The following HEXD variants were observed in gnomAD, a reference collection of about 807,000 sequenced individuals.
HEXD encodes the protein N-acetyl-beta-galactosaminidase.
Under a neutral mutation model 54.2 loss-of-function variants are expected in HEXD, and 47 were observed. The ratio of observed to expected loss-of-function variants is 0.87; its 90% confidence interval spans 0.69 to 1.11. The LOEUF is 1.11. HEXD is among the 50% of genes least tolerant of loss of function. The pLI, the probability that HEXD is intolerant of heterozygous loss-of-function variation, is 0.00. For synonymous variants in HEXD, 293 were observed against 287.6 expected (o/e 1.02, Z -0.19); for missense variants, 576 against 649.2 (o/e 0.89, Z 1.23).
chr17:82,429,110 A>G (rs1210707013), intron 4 of HEXD, among the ~76,000 whole-genome samples: 1 of 151,884 alleles, frequency 6.6e-6, no homozygotes, highest in Non-Finnish European at 1.5e-5. Context: ...AAATACAAAA[A>G]TTAGCCAGGC....
At chr17:82,438,046 G>A (rs972865355) in intron 8 of HEXD, among the ~76,000 whole-genome samples, 4 of 152,076 alleles carry the variant, frequency 2.6e-5, no homozygotes, top group African/African-American at 7.2e-5. Flanking sequence ...TGACCAGCCT[G>A]GCCAACGTGG....
chr17:82,440,024 C>A, intron 9 of HEXD: 1 of 1,351,492 alleles, frequency 7.4e-7, no homozygotes, highest in South Asian at 1.2e-5. Context: ...CTTTGCTGCA[C>A]ACACGTCCTG....
At position 82,434,815 on chromosome 17, in the gene HEXD, G is replaced by A. The variant is rs2053713205; in HGVS notation, c.448-874G>A. Among the ~76,000 whole-genome samples the A allele has an allele frequency of 6.6e-6, 1 of 151,774 alleles. No homozygotes were observed. The highest frequency in any genetic ancestry group is 2.4e-5 in the African/African-American group (1 of 41,266). On this transcript the variant is annotated intron_variant, in intron 5 of 12. Transcript: ENST00000327949. This position sits in a 1 kb window ranked among gnomAD's most constrained non-coding sequence, Gnocchi z 4.5. ...ATCACGCCACTGCATACCAGCCTGG[G>A]CAACAGAGTGAGACTCCGGCTCTAA...
Position 82,442,124 on chromosome 17 carries a change from G to A in HEXD, c.1254-53G>A. On this transcript the variant is annotated intron_variant, in intron 12 of 12. Coordinates refer to ENST00000327949, the MANE Select transcript of HEXD (RefSeq NM_001330542.2). This position sits in a 1 kb window ranked among gnomAD's most constrained non-coding sequence, Gnocchi z 6.8. ...ACAGGGCAGTACTGACCATGGGGCT[G>A]AGGGCAAGTCCCAAGTGTGCAGACT... is the stretch of plus-strand genomic sequence containing the variant. The A allele has an allele frequency of 6.4e-7, 1 of 1,562,712 alleles. No individual in the cohort carries two copies. Among genetic ancestry groups the A allele is most frequent in the African/African-American group, 1.3e-5 (1 of 74,452 alleles).
At chr17:82,433,118 ATATATATATATTTT>A (rs2053647420) in intron 4 of HEXD, among the ~76,000 whole-genome samples, 1 of 18,008 alleles carries the variant, frequency 5.6e-5, no homozygotes, top group Non-Finnish European at 7.8e-5. Flanking sequence ...ATATATATAT[ATATATATATATTTT>A]TTTTTTTTTT....
chr17:82,424,627 G>A, intron 3 of HEXD, 124 bp downstream of exon 3: 2 of 612,372 alleles, frequency 3.3e-6, no homozygotes, highest in East Asian at 2.8e-5. Flanking sequence ...ACAGTGGTGG[G>A]TACATTCCTT....
intron 3 of HEXD, chr17:82,426,469 G>A (rs1321741519): frequency 1.3e-5 from 2 of 152,134 alleles, no homozygotes; most frequent in Non-Finnish European, 2.9e-5. Flanking sequence ...AACAGCAGGG[G>A]GCTTACAAAA....
intron 4 of HEXD, among the ~76,000 whole-genome samples, chr17:82,431,083 GAGCTTCTGGGCTCA>G (rs945653108): frequency 2.0e-5 from 3 of 150,018 alleles, no homozygotes; most frequent in East Asian, 2.0e-4. Flanking sequence ...CTGCAGCCCT[GAGCTTCTGGGCTCA>G]AGCTTCTGGG....
At chr17:82,426,874 G>C (rs966509191) in intron 3 of HEXD, 1 of 152,108 alleles carries the variant, frequency 6.6e-6, no homozygotes, top group African/African-American at 2.4e-5. Context: ...GTGGCTTAAC[G>C]CCTGTAATCC....
At chr17:82,430,691 G>T (rs1052662964) in intron 4 of HEXD, among the ~76,000 whole-genome samples, 1 of 152,092 alleles carries the variant, frequency 6.6e-6, no homozygotes, top group African/African-American at 2.4e-5. Flanking sequence ...GCCCAGCCCA[G>T]TATACCCTCT....
In HEXD at chr17:82,442,423, G is replaced by T. The variant is rs1567901312; in HGVS notation, c.*39G>T. On this transcript the variant is annotated 3_prime_UTR_variant, in exon 13 of 13. Transcript: ENST00000327949. The surrounding 1 kb of genome is among the most constrained non-coding windows in gnomAD (Gnocchi z 6.8). Reference sequence around the variant, plus strand: ...GCCAGGGGGCTCCTGCTGGAGGCTGGGGGGGCTCTGCACTGCCAAATGGCC... The same window carrying T: ...GCCAGGGGGCTCCTGCTGGAGGCTGTGGGGGCTCTGCACTGCCAAATGGCC... The T allele has an allele frequency of 6.2e-7, 1 of 1,610,146 alleles. No individual in the cohort carries two copies. Among genetic ancestry groups the T allele is most frequent in the Non-Finnish European group, 8.5e-7 (1 of 1,177,738 alleles).
At chr17:82,431,637 G>C (rs1466025348) in intron 4 of HEXD, among the ~76,000 whole-genome samples, 2 of 151,780 alleles carry the variant, frequency 1.3e-5, no homozygotes, top group African/African-American at 4.8e-5. Flanking sequence ...TGATCTCGTC[G>C]AACTCCTGAC....
intron 9 of HEXD, chr17:82,440,736 G>A (rs537207760): frequency 2.9e-5 from 15 of 512,224 alleles, no homozygotes; most frequent in South Asian, 1.4e-4. Context: ...CTTGCTGTCC[G>A]GGTGTTGCTG....
intron 2 of HEXD, among the ~76,000 whole-genome samples, chr17:82,424,152 G>A (rs1044171970): frequency 2.0e-5 from 3 of 152,200 alleles, no homozygotes; most frequent in Non-Finnish European, 2.9e-5. Flanking sequence ...CCACCAGCGC[G>A]TTGAGTAGCA....
At chr17:82,433,582 C>T (rs2053672326) in intron 4 of HEXD, 76 bp from the exon 5 acceptor site, 1 of 1,411,080 alleles carries the variant, frequency 7.1e-7, no homozygotes, top group Admixed American at 2.8e-5. Context: ...AGATTTGAAA[C>T]AGAAGCCCCA....
intron 9 of HEXD, chr17:82,440,321 C>A: frequency 1.6e-6 from 2 of 1,250,382 alleles, no homozygotes; most frequent in Non-Finnish European, 2.1e-6. Context: ...GGCCCAGGGA[C>A]GGGGACGCGG....
At chr17:82,430,025 C>G (rs1005983946) in intron 4 of HEXD, among the ~76,000 whole-genome samples, 1 of 152,214 alleles carries the variant, frequency 6.6e-6, no homozygotes, top group Non-Finnish European at 1.5e-5. Flanking sequence ...CCGCCACGCC[C>G]TGACCCATGT....
chr17:82,425,348 C>A, intron 3 of HEXD: 1 of 186,642 alleles, frequency 5.4e-6, no homozygotes, highest in South Asian at 7.8e-5. Context: ...CTGGAGGAGG[C>A]CAGGGAAGGT....
chr17:82,429,499 G>A (rs541404538), intron 4 of HEXD, among the ~76,000 whole-genome samples: 108 of 152,208 alleles, frequency 7.1e-4, no homozygotes, highest in African/African-American at 2.6e-3. Context: ...AGCCTTTCTA[G>A]TTGATTCTCT....
Sources: gnomAD v4.1 joint callset for allele counts (sites outside exome capture counted in the v4.1 genomes callset) on GRCh38, gnomAD v4.1.1 for gene constraint, Gnocchi (gnomAD v3.1) non-coding constraint, MANE v1.5 for transcripts, NCBI Gene and HGNC (gene_info 2026-07-23, HGNC 2026-07-21) for gene names.